Variants in UST observed in about 807,000 individuals in gnomAD.
UST encodes the protein chondroitin sulfate 2-O-sulfotransferase.
A neutral mutation model predicts 45.6 loss-of-function variants in UST; 21 were observed. The ratio of observed to expected loss-of-function variants is 0.46; its 90% CI spans 0.33 to 0.66. The LOEUF (loss-of-function observed/expected upper bound fraction) is 0.66. Ranked by LOEUF, UST falls within the 30% of genes least tolerant of loss-of-function variation. The pLI is 0.02. For missense variants in UST, 463 were observed against 512.4 expected, an observed-to-expected ratio of 0.90 and a Z score of 0.93; for synonymous variants, 215 against 200.6, an observed-to-expected ratio of 1.07 and a Z score of -0.61.
At chr6:148,754,201 T>A (rs1776047983) in intron 1 of UST, among the ~76,000 whole-genome samples, 1 of 152,134 alleles carries the variant, frequency 6.6e-6, no homozygotes, top group Non-Finnish European at 1.5e-5. Context: ...TTTCACTGTG[T>A]TAGCCAGGAT....
intron 1 of UST, among the ~76,000 whole-genome samples, chr6:148,798,454 G>A (rs1370589820): frequency 6.6e-6 from 1 of 152,170 alleles, no homozygotes; most frequent in Non-Finnish European, 1.5e-5. Flanking sequence ...AAATGATACA[G>A]ATCACGCTCT....
intron 5 of UST, among the ~76,000 whole-genome samples, chr6:149,011,679 G>C (rs868546742): frequency 6.6e-6 from 1 of 152,096 alleles, no homozygotes; most frequent in African/African-American, 2.4e-5. Flanking sequence ...GGTGTGGGTG[G>C]CATGTGCCTG....
intron 1 of UST, among the ~76,000 whole-genome samples, chr6:148,885,685 C>T (rs1002729735): frequency 1.3e-5 from 2 of 152,170 alleles, no homozygotes; most frequent in Non-Finnish European, 2.9e-5. Flanking sequence ...AGGATGATGA[C>T]TCAGTATGGA....
At chr6:149,002,061 C>T (rs1781560332) in intron 5 of UST, among the ~76,000 whole-genome samples, 1 of 151,908 alleles carries the variant, frequency 6.6e-6, no homozygotes, top group Admixed American at 6.6e-5. Flanking sequence ...CTTCCTCAGA[C>T]TCTCTCAGTA....
At chr6:148,979,801 G>A (rs894887289) in intron 5 of UST, among the ~76,000 whole-genome samples, 1 of 152,216 alleles carries the variant, frequency 6.6e-6, no homozygotes, top group Admixed American at 6.5e-5. Context: ...CTAAGTTGGA[G>A]TGAGGGCATA....
chr6:149,054,815 C>A (rs780932822), intron 7 of UST, among the ~76,000 whole-genome samples: 1 of 152,024 alleles, frequency 6.6e-6, no homozygotes, highest in Non-Finnish European at 1.5e-5. Context: ...TTTATTTGTT[C>A]TGGGTGTTTG....
intron 1 of UST, among the ~76,000 whole-genome samples, chr6:148,759,482 G>T (rs1359681040): frequency 2.6e-5 from 4 of 151,482 alleles, no homozygotes; most frequent in Non-Finnish European, 4.4e-5. Flanking sequence ...AGCCGAGATC[G>T]CACCACTGCA....
intron 5 of UST, among the ~76,000 whole-genome samples, chr6:148,977,818 T>C (rs1482532143): frequency 2.0e-5 from 3 of 151,452 alleles, no homozygotes; most frequent in Non-Finnish European, 4.4e-5. Context: ...CCACCCCACA[T>C]TCATACCCAG....
chr6:148,837,334 A>C (rs555807937), intron 1 of UST, among the ~76,000 whole-genome samples: 2 of 152,230 alleles, frequency 1.3e-5, no homozygotes, highest in Non-Finnish European at 2.9e-5. Flanking sequence ...TACTCCATGC[A>C]GAGAACCTAG....
chr6:148,865,217 C>G (rs1778402161), intron 1 of UST, among the ~76,000 whole-genome samples: 1 of 152,178 alleles, frequency 6.6e-6, no homozygotes, highest in South Asian at 2.1e-4. Context: ...GAAATGCAAG[C>G]CCTCTTTCCT....
At chr6:148,974,269 T>C (rs1170235588) in intron 5 of UST, among the ~76,000 whole-genome samples, 1 of 151,964 alleles carries the variant, frequency 6.6e-6, no homozygotes, top group Admixed American at 6.6e-5. Context: ...GTATTATAGA[T>C]GCCTAATCTC....
At chr6:148,894,029 A>T (rs1273659011) in intron 2 of UST, among the ~76,000 whole-genome samples, 1 of 152,126 alleles carries the variant, frequency 6.6e-6, no homozygotes, top group Admixed American at 6.5e-5. Context: ...TTCAAAAAAA[A>T]GTCTAGGATG....
chr6:149,058,047 T>A (rs1169081057), intron 7 of UST, among the ~76,000 whole-genome samples: 1 of 152,204 alleles, frequency 6.6e-6, no homozygotes, highest in Non-Finnish European at 1.5e-5. Flanking sequence ...TGTTTATGTT[T>A]TAAATTATTT....
chr6:148,903,362 TTC>T (rs1417403390), intron 2 of UST, among the ~76,000 whole-genome samples: 1 of 152,212 alleles, frequency 6.6e-6, no homozygotes, highest in Non-Finnish European at 1.5e-5. Context: ...GACAGTATCT[TTC>T]TTTTGCTTCA....
intron 1 of UST, among the ~76,000 whole-genome samples, chr6:148,760,122 G>C (rs527864542): frequency 2.8e-4 from 43 of 152,260 alleles, no homozygotes; most frequent in African/African-American, 9.6e-4. Context: ...TTAGGCCATC[G>C]TTGTCATTTT....
chr6:148,876,037 T>A (rs919063119), intron 1 of UST, among the ~76,000 whole-genome samples: 2 of 152,176 alleles, frequency 1.3e-5, no homozygotes, highest in Non-Finnish European at 2.9e-5. Flanking sequence ...ACTAGGTAAT[T>A]TATAAAGAAA....
intron 1 of UST, among the ~76,000 whole-genome samples, chr6:148,860,908 T>A (rs137986280): frequency 6.6e-6 from 1 of 152,226 alleles, no homozygotes; most frequent in African/African-American, 2.4e-5. Flanking sequence ...CAGTATTTTA[T>A]TGAGGATTTT....
At chr6:148,829,859 A>G (rs1484170148) in intron 1 of UST, among the ~76,000 whole-genome samples, 1 of 152,130 alleles carries the variant, frequency 6.6e-6, no homozygotes. Flanking sequence ...TGACCTAGGG[A>G]CTATTATTTT....
intron 1 of UST, among the ~76,000 whole-genome samples, chr6:148,771,067 C>T (rs1182622171): frequency 6.6e-6 from 1 of 152,118 alleles, no homozygotes; most frequent in Non-Finnish European, 1.5e-5. Flanking sequence ...TAGCCTTCTA[C>T]AAGCTGATGG....
Sources: allele counts gnomAD v4.1 joint callset (sites outside exome capture counted in the v4.1 genomes callset), GRCh38; gene constraint gnomAD v4.1.1; transcripts MANE v1.5; gene names NCBI Gene and HGNC (gene_info 2026-07-23, HGNC 2026-07-21).